The following PHKB variants were observed in gnomAD, a reference collection of about 807,000 sequenced individuals.
The protein encoded by PHKB is phosphorylase kinase regulatory subunit beta.
Under a neutral mutation model 152.1 loss-of-function variants are expected in PHKB, and 122 were observed. The observed-to-expected ratio is 0.80, with a 90% CI of 0.69 to 0.93. PHKB has a LOEUF of 0.93. PHKB is among the 40% of genes least tolerant of loss of function. The pLI is 0.00. For missense variants in PHKB, 1,304 were observed against 1,328.4 expected, an observed-to-expected ratio of 0.98 and a Z score of 0.29; for synonymous variants, 436 against 464.9, an observed-to-expected ratio of 0.94 and a Z score of 0.80.
At chr16:47,613,791 G>A (rs868824768) in intron 14 of PHKB, among the ~76,000 whole-genome samples, 11 of 151,922 alleles carry the variant, frequency 7.2e-5, no homozygotes, top group East Asian at 5.8e-4. Context: ...TTCTTAACCC[G>A]TTGCAACTAC....
Position 47,679,190 on chromosome 16 carries a change from G to T in PHKB, c.2630+9773G>T, listed in dbSNP as rs1973798098. Among the ~76,000 whole-genome samples the T allele has an allele frequency of 2.0e-5, 3 of 152,194 alleles. No homozygotes were observed. The South Asian group carries it at 6.2e-4, about 32-fold the overall frequency. ...TTACTGTGGCCTTGTAGTATAGTTT[G>T]AAGCAGGTAGTGTGATGCCTCCAGC... On this transcript the variant is annotated intron_variant, in intron 26 of 30. Coordinates refer to ENST00000323584, the MANE Select transcript of PHKB (RefSeq NM_000293.3).
At chr16:47,547,628 T>C in intron 7 of PHKB, 80 bp downstream of exon 7, 6 of 821,548 alleles carry the variant, frequency 7.3e-6, no homozygotes, top group Non-Finnish European at 1.2e-5. Context: ...AAGCATTAGA[T>C]TGGAACTGTG....
intron 1 of PHKB, among the ~76,000 whole-genome samples, chr16:47,488,460 A>G (rs1039964782): frequency 1.3e-5 from 2 of 151,832 alleles, no homozygotes; most frequent in Non-Finnish European, 2.9e-5. Flanking sequence ...TCCAATTGTC[A>G]ATTTTTGTTT....
intron 23 of PHKB, 51 bp downstream of exon 23, chr16:47,661,851 A>G (rs754452133): frequency 1.0e-5 from 11 of 1,090,126 alleles, no homozygotes; most frequent in Non-Finnish European, 1.3e-5. Flanking sequence ...TCTAGCCTTG[A>G]ACATATATCA....
intron 10 of PHKB, 90 bp downstream of exon 10, chr16:47,589,192 T>A (rs1846248334): frequency 2.2e-6 from 2 of 906,718 alleles, no homozygotes; most frequent in Non-Finnish European, 1.7e-6. Context: ...ATTCTGGCTC[T>A]GCTACTTACT....
At chr16:47,549,102 A>G (rs1971226104) in intron 7 of PHKB, among the ~76,000 whole-genome samples, 1 of 152,212 alleles carries the variant, frequency 6.6e-6, no homozygotes, top group South Asian at 2.1e-4. Flanking sequence ...GAAGTAGAGG[A>G]ATAATTTGTG....
At chr16:47,629,217 AC>A (rs1473616866) in intron 14 of PHKB, among the ~76,000 whole-genome samples, 17 of 152,220 alleles carry the variant, frequency 1.1e-4, no homozygotes, top group Admixed American at 1.0e-3. Flanking sequence ...AAAAGAAACC[AC>A]CATCAGAGTG....
intron 4 of PHKB, chr16:47,505,557 C>G (rs1350384209): frequency 1.3e-5 from 2 of 152,178 alleles, no homozygotes; most frequent in African/African-American, 4.8e-5. Context: ...GGTGAACATA[C>G]AGTAAATATT....
At chr16:47,533,259 G>T (rs1970893303) in intron 6 of PHKB, among the ~76,000 whole-genome samples, 1 of 152,166 alleles carries the variant, frequency 6.6e-6, no homozygotes, top group Non-Finnish European at 1.5e-5. Flanking sequence ...GGCCTCAGGG[G>T]TGAGGAAGTG....
intron 1 of PHKB, among the ~76,000 whole-genome samples, chr16:47,471,011 G>C (rs902124688): frequency 6.6e-6 from 1 of 152,146 alleles, no homozygotes; most frequent in African/African-American, 2.4e-5. Context: ...AATCACCCTA[G>C]TCAATGCACA....
intron 1 of PHKB, among the ~76,000 whole-genome samples, chr16:47,482,592 T>A (rs1230044946): frequency 1.3e-5 from 2 of 152,120 alleles, no homozygotes; most frequent in Admixed American, 6.6e-5. Context: ...GTGGAAATGG[T>A]TTGGGTCTAT....
chr16:47,590,571 A>C (rs1972011914), intron 10 of PHKB: 1 of 152,226 alleles, frequency 6.6e-6, no homozygotes, highest in Non-Finnish European at 1.5e-5. Flanking sequence ...TTTCCTATTT[A>C]ATACATTTTC....
chr16:47,485,375 A>G (rs1169967678), intron 1 of PHKB, among the ~76,000 whole-genome samples: 1 of 152,216 alleles, frequency 6.6e-6, no homozygotes, highest in East Asian at 1.9e-4. Flanking sequence ...CTTTTTAACT[A>G]TAGAGGTTAA....
intron 26 of PHKB, among the ~76,000 whole-genome samples, chr16:47,683,791 T>C (rs373513119): frequency 5.5e-4 from 83 of 152,172 alleles, no homozygotes; most frequent in African/African-American, 1.8e-3. Context: ...TGTTTGGCAC[T>C]CCCTAGGGAG....
chr16:47,665,611 C>A, intron 25 of PHKB: 1 of 369,676 alleles, frequency 2.7e-6, no homozygotes, highest in Non-Finnish European at 5.1e-6. Context: ...AATCAGAATA[C>A]CCTCTTAATC....
At chr16:47,465,385 C>T (rs948962543) in intron 1 of PHKB, among the ~76,000 whole-genome samples, 1 of 152,150 alleles carries the variant, frequency 6.6e-6, no homozygotes, top group Non-Finnish European at 1.5e-5. Flanking sequence ...CATCAACAGT[C>T]CTGAAAATTT....
chr16:47,466,743 A>G (rs1365825879), intron 1 of PHKB, among the ~76,000 whole-genome samples: 1 of 152,172 alleles, frequency 6.6e-6, no homozygotes, highest in African/African-American at 2.4e-5. Context: ...TTTCAATTGT[A>G]TATGCCTGAT....
At chr16:47,672,025 T>C (rs1173427652) in intron 26 of PHKB, among the ~76,000 whole-genome samples, 1 of 152,124 alleles carries the variant, frequency 6.6e-6, no homozygotes, top group Admixed American at 6.6e-5. Flanking sequence ...ATATATCAAA[T>C]TGGTGTCAGT....
At chr16:47,543,521 A>T (rs1277558982) in intron 6 of PHKB, among the ~76,000 whole-genome samples, 2 of 152,132 alleles carry the variant, frequency 1.3e-5, no homozygotes, top group Non-Finnish European at 2.9e-5. Flanking sequence ...TCATAAAATG[A>T]GTTAGAGAGG....
Sources: gnomAD v4.1 joint callset for allele counts (sites outside exome capture counted in the v4.1 genomes callset) on GRCh38, gnomAD v4.1.1 for gene constraint, MANE v1.5 for transcripts, NCBI Gene and HGNC (gene_info 2026-07-23, HGNC 2026-07-21) for gene names.